Variants in OPN5 observed in about 807,000 individuals in gnomAD.
OPN5 encodes the protein opsin-5.
A neutral mutation model predicts 41.7 loss-of-function variants in OPN5; 18 were observed. The ratio of observed to expected loss-of-function variants is 0.43; its 90% CI spans 0.30 to 0.64. OPN5 has a LOEUF of 0.64. Ranked by LOEUF, OPN5 falls within the 30% of genes least tolerant of loss-of-function variation. The pLI is 0.13. For missense variants in OPN5, 318 were observed against 434.5 expected (o/e 0.73, Z 2.38); for synonymous variants, 178 against 164.3 (o/e 1.08, Z -0.64).
intron 6 of OPN5, among the ~76,000 whole-genome samples, chr6:47,820,136 A>AGG (rs1215855156): frequency 9.1e-5 from 1 of 10,992 alleles, no homozygotes; most frequent in Non-Finnish European, 2.2e-4. Context: ...TTTTGAATAG[A>AGG]GAGAGAGAGA....
intron 5 of OPN5, among the ~76,000 whole-genome samples, chr6:47,810,346 T>A (rs187423624): frequency 1.1e-4 from 17 of 152,286 alleles, no homozygotes; most frequent in African/African-American, 3.9e-4. Flanking sequence ...AGCAGACGGG[T>A]GGATGGTAGC....
intron 6 of OPN5, among the ~76,000 whole-genome samples, chr6:47,818,625 C>T (rs900370724): frequency 3.9e-5 from 6 of 152,144 alleles, no homozygotes; most frequent in Non-Finnish European, 8.8e-5. Context: ...GTGATGAAAC[C>T]ACACACTCCA....
intron 6 of OPN5, among the ~76,000 whole-genome samples, chr6:47,816,432 G>T (rs1016736701): frequency 6.6e-6 from 1 of 152,108 alleles, no homozygotes; most frequent in African/African-American, 2.4e-5. Context: ...AGGTCTTCTA[G>T]AGCAGAATTC....
chr6:47,808,452 G>C, intron 5 of OPN5, 57 bp downstream of exon 5: 1 of 1,592,814 alleles, frequency 6.3e-7, no homozygotes, highest in Non-Finnish European at 8.6e-7. Context: ...AATCCGGCAG[G>C]GTTCAAGGTA....
intron 4 of OPN5, among the ~76,000 whole-genome samples, chr6:47,799,149 C>T (rs1773674688): frequency 6.7e-6 from 1 of 149,882 alleles, no homozygotes; most frequent in Non-Finnish European, 1.5e-5. Context: ...TTTTGCTAGA[C>T]TTTTGTAGCA....
chr6:47,783,121 T>C (rs1448613227), intron 1 of OPN5, among the ~76,000 whole-genome samples: 3 of 152,100 alleles, frequency 2.0e-5, no homozygotes, highest in African/African-American at 4.8e-5. Context: ...TTAGAATCCA[T>C]ATGTGGCTCG....
intron 6 of OPN5, among the ~76,000 whole-genome samples, chr6:47,822,628 G>T (rs1762663241): frequency 6.6e-6 from 1 of 152,310 alleles, no homozygotes; most frequent in African/African-American, 2.4e-5. Context: ...GAAGAGGCTG[G>T]TATGTAACAG....
intron 4 of OPN5, among the ~76,000 whole-genome samples, chr6:47,803,752 C>T (rs1581744315): frequency 6.6e-6 from 1 of 152,128 alleles, no homozygotes; most frequent in African/African-American, 2.4e-5. Context: ...GGCAAAGGAG[C>T]CTGGAGAGAG....
intron 6 of OPN5, among the ~76,000 whole-genome samples, chr6:47,822,921 G>A (rs908485085): frequency 2.0e-5 from 3 of 152,114 alleles, no homozygotes; most frequent in African/African-American, 4.8e-5. Flanking sequence ...TCCAAAAGTG[G>A]GATAAGACTT....
downstream of OPN5, chr6:47,824,939 A>G (rs147130190): frequency 1.2e-4 from 18 of 152,104 alleles, no homozygotes; most frequent in Non-Finnish European, 2.1e-4. Flanking sequence ...AAGTAAGAAG[A>G]CTCTACCTTA....
At chr6:47,795,431 C>G in exon 4 of OPN5, 1 of 1,614,142 alleles carries the variant, frequency 6.2e-7, no homozygotes, top group Non-Finnish European at 8.5e-7. Flanking sequence ...TCTTCTGCCT[C>G]TTGCTCCCAA....
At chr6:47,816,512 T>A (rs994909084) in intron 6 of OPN5, among the ~76,000 whole-genome samples, 3 of 152,148 alleles carry the variant, frequency 2.0e-5, no homozygotes, top group African/African-American at 7.2e-5. Flanking sequence ...AAAAGGAAAA[T>A]TTCTTGAGTC....
chr6:47,800,111 T>C (rs1773712435), intron 4 of OPN5, among the ~76,000 whole-genome samples: 1 of 152,172 alleles, frequency 6.6e-6, no homozygotes, highest in Admixed American at 6.5e-5. Flanking sequence ...TTGCTACTGA[T>C]TAAATAAGGG....
At chr6:47,786,050 C>T (rs1253034273) in intron 1 of OPN5, among the ~76,000 whole-genome samples, 1 of 152,254 alleles carries the variant, frequency 6.6e-6, no homozygotes, top group Admixed American at 6.5e-5. Context: ...CTCTCCTGAA[C>T]ACTGGTGCTC....
At chr6:47,788,295 A>G (rs1306145289) in intron 2 of OPN5, among the ~76,000 whole-genome samples, 1 of 152,198 alleles carries the variant, frequency 6.6e-6, no homozygotes, top group African/African-American at 2.4e-5. Context: ...AAGGTGCTCT[A>G]CCTGGTATTG....
chr6:47,795,359 C>T (rs774218379), exon 4 of OPN5: 2 of 1,614,010 alleles, frequency 1.2e-6, no homozygotes, highest in Middle Eastern at 1.6e-4. Flanking sequence ...CCTCGTGCAC[C>T]CTGGACTGGT....
intron 4 of OPN5, among the ~76,000 whole-genome samples, chr6:47,796,335 G>A (rs1773570542): frequency 6.6e-6 from 1 of 152,208 alleles, no homozygotes; most frequent in Non-Finnish European, 1.5e-5. Context: ...CATAGAAGGT[G>A]TTAGAGCAAC....
At position 47,808,642 on chromosome 6, in the gene OPN5, A is replaced by G. The variant is rs376323089; in HGVS notation, c.998+247A>G. Among the ~76,000 whole-genome samples, 216 of 152,316 alleles carry G rather than the reference A, an allele frequency of 1.4e-3. 1 individual carries two copies. The highest frequency in any genetic ancestry group is 4.6e-3 in the African/African-American group (193 of 41,570). Reference sequence around the variant, plus strand: ...ATCGTGGAGCAACTAAGATACAGAGATGTGTCCATTTGAGCAACAACCACT... The same window carrying G: ...ATCGTGGAGCAACTAAGATACAGAGGTGTGTCCATTTGAGCAACAACCACT... On this transcript the variant is annotated intron_variant, in intron 5 of 6. Transcript: ENST00000371211.
At chr6:47,823,554 CA>C (rs145850811) in intron 6 of OPN5, 430 of 185,984 alleles carry the variant, frequency 2.3e-3, no homozygotes, top group East Asian at 5.5e-3. Flanking sequence ...TCTCTTCTGG[CA>C]AAAAAAAAGT....
Sources: allele counts gnomAD v4.1 joint callset (sites outside exome capture counted in the v4.1 genomes callset), GRCh38; gene constraint gnomAD v4.1.1; transcripts MANE v1.5; gene names NCBI Gene and HGNC (gene_info 2026-07-23, HGNC 2026-07-21).